Variants in MSR1 observed in about 807,000 individuals in gnomAD.
MSR1 encodes the protein macrophage scavenger receptor 1.
Under a neutral mutation model 47.2 loss-of-function variants are expected in MSR1, and 53 were observed. That is an observed-to-expected ratio of 1.12 (90% CI 0.90 to 1.41). The LOEUF (loss-of-function observed/expected upper bound fraction) is 1.41. Among genes scored for constraint, MSR1 ranks in the 40% most tolerant of loss-of-function variants. The probability of loss-of-function intolerance (pLI) is 0.00; values close to 1 mark genes in which losing one functional copy is unlikely to be tolerated. For synonymous variants in MSR1, 239 were observed against 185.6 expected (o/e 1.29, Z -2.34); for missense variants, 786 against 546.9 (o/e 1.44, Z -4.36).
chr8:16,144,441 C>T (rs543603517), intron 7 of MSR1, among the ~76,000 whole-genome samples: 1 of 152,208 alleles, frequency 6.6e-6, no homozygotes, highest in African/African-American at 2.4e-5. Context: ...TGCTCTCTGT[C>T]TCAAAGTCAA....
At chr8:16,123,804 A>G (rs1008478399) in intron 8 of MSR1, among the ~76,000 whole-genome samples, 1 of 152,200 alleles carries the variant, frequency 6.6e-6, no homozygotes, top group African/African-American at 2.4e-5. Flanking sequence ...GATGTTTCAT[A>G]GAACCCAAGG....
intron 8 of MSR1, among the ~76,000 whole-genome samples, chr8:16,143,193 A>C (rs534039531): frequency 6.6e-6 from 1 of 152,204 alleles, no homozygotes; most frequent in South Asian, 2.1e-4. Context: ...CCAAATTCTT[A>C]TATTTAAGGT....
intron 5 of MSR1, among the ~76,000 whole-genome samples, chr8:16,159,544 C>A (rs1801104731): frequency 1.3e-5 from 2 of 151,850 alleles, no homozygotes; most frequent in South Asian, 4.1e-4. Context: ...TACACTAACT[C>A]TGCAATCAAC....
At chr8:16,172,946 G>A (rs1801529994) in intron 3 of MSR1, among the ~76,000 whole-genome samples, 1 of 152,172 alleles carries the variant, frequency 6.6e-6, no homozygotes, top group Admixed American at 6.5e-5. Flanking sequence ...GCCAAGTAGA[G>A]ATATATATTG....
chr8:16,146,039 A>G (rs192036675), intron 7 of MSR1, among the ~76,000 whole-genome samples: 14 of 152,252 alleles, frequency 9.2e-5, no homozygotes, highest in Admixed American at 8.5e-4. Flanking sequence ...TGTCTTCAAT[A>G]ACATCATCAT....
chr8:16,126,343 T>C (rs1800127899), intron 8 of MSR1, among the ~76,000 whole-genome samples: 2 of 152,176 alleles, frequency 1.3e-5, no homozygotes, highest in Admixed American at 1.3e-4. Context: ...ATAACAGTTA[T>C]TATCCTATTG....
At chr8:16,122,324 C>T (rs529999359) in intron 8 of MSR1, among the ~76,000 whole-genome samples, 4 of 152,136 alleles carry the variant, frequency 2.6e-5, no homozygotes, top group African/African-American at 9.6e-5. Context: ...TTGTGAGAAG[C>T]CTTTACATAT....
At chr8:16,167,270 G>A (rs967325411) in intron 4 of MSR1, among the ~76,000 whole-genome samples, 4 of 152,068 alleles carry the variant, frequency 2.6e-5, no homozygotes, top group Non-Finnish European at 5.9e-5. Flanking sequence ...TCAGCCAGGC[G>A]CAGTGGTTCA....
intron 9 of MSR1, among the ~76,000 whole-genome samples, chr8:16,117,323 G>A (rs1799899492): frequency 6.6e-6 from 1 of 152,150 alleles, no homozygotes. Context: ...ATGATCTGAG[G>A]TGGGGCTGCA....
chr8:16,119,645 T>G (rs1174411895), intron 9 of MSR1, among the ~76,000 whole-genome samples: 1 of 152,150 alleles, frequency 6.6e-6, no homozygotes, highest in Non-Finnish European at 1.5e-5. Flanking sequence ...AATCATAGCA[T>G]ATTAGCACTT....
intron 5 of MSR1, 44 bp downstream of exon 5, chr8:16,164,021 T>C: frequency 6.9e-7 from 1 of 1,447,266 alleles, no homozygotes; most frequent in South Asian, 1.2e-5. Flanking sequence ...TCAGTATATT[T>C]TAATATATAT....
At chr8:16,173,857 G>A (rs978438893) in intron 3 of MSR1, among the ~76,000 whole-genome samples, 1 of 152,112 alleles carries the variant, frequency 6.6e-6, no homozygotes, top group African/African-American at 2.4e-5. Context: ...CACCATGTTA[G>A]CCAGGATGGT....
At position 16,108,175 on chromosome 8, in the gene MSR1, T is replaced by C. The variant is rs1056620612; in HGVS notation, c.*1910A>G. 2.0e-5 allele frequency: 3 copies of C among 148,922 alleles called. No individual in the cohort carries two copies. Among genetic ancestry groups the C allele is most frequent in the African/African-American group, 4.9e-5 (2 of 40,404 alleles). 9.2% of individuals were successfully genotyped at this position (148,922 alleles called of 1,614,324 possible). A position where few individuals can be genotyped will look rare whatever the true frequency, so the allele number is the denominator to read the frequency against. On this transcript the variant is annotated 3_prime_UTR_variant, in exon 10 of 10. Coordinates refer to ENST00000262101, the MANE Select transcript of MSR1 (RefSeq NM_138715.3). ...AGTACTATTAACAGTGTCATAGTAC[T>C]AGTACTAGTAATAGTACTAGTAATA...
intron 1 of MSR1, among the ~76,000 whole-genome samples, chr8:16,189,186 A>G (rs1050717606): frequency 7.0e-6 from 1 of 143,594 alleles, no homozygotes; most frequent in Admixed American, 7.2e-5. Flanking sequence ...TATTTCATAT[A>G]TACGTAAAAC....
At chr8:16,182,156 A>T (rs116456924) in intron 1 of MSR1, among the ~76,000 whole-genome samples, 2,040 of 152,310 alleles carry the variant, frequency 0.013, 46 homozygotes, top group African/African-American at 0.046. Flanking sequence ...AGGCAGTTGG[A>T]ACACAATGGC....
chr8:16,140,873 C>G, intron 8 of MSR1: 1 of 1,598,976 alleles, frequency 6.3e-7, no homozygotes, highest in Non-Finnish European at 8.5e-7. Flanking sequence ...AGGTACAACA[C>G]GGGAACCAAA....
Position 16,168,883 on chromosome 8 carries a change from GT to G in MSR1, c.218-14del. The stretch of plus-strand genomic sequence containing the variant: ...TTCAGGAGTTGAGCTGTATATTTAA[GT>G]AAAAATAAACCAGTCATGGCCTGAT... On this transcript the variant is annotated splice_polypyrimidine_tract_variant and intron_variant, in intron 3 of 9. Transcript: ENST00000262101. 1 of 1,609,928 alleles carries G rather than the reference GT, an allele frequency of 6.2e-7. No homozygotes were observed. The highest frequency in any genetic ancestry group is 8.5e-7 in the Non-Finnish European group (1 of 1,179,720).
At chr8:16,167,658 T>A (rs1468621923) in intron 4 of MSR1, among the ~76,000 whole-genome samples, 1 of 152,232 alleles carries the variant, frequency 6.6e-6, no homozygotes, top group Non-Finnish European at 1.5e-5. Context: ...CTTCCCTCTG[T>A]CCTTACCTCA....
chr8:16,139,703 A>G (rs1476383421), intron 8 of MSR1: 1 of 960,736 alleles, frequency 1.0e-6, no homozygotes, highest in Non-Finnish European at 1.2e-6. Context: ...TTTTGGTTTA[A>G]ATGGGTTGGA....
Sources: allele counts gnomAD v4.1 joint callset (sites outside exome capture counted in the v4.1 genomes callset), GRCh38; gene constraint gnomAD v4.1.1; transcripts MANE v1.5; gene names NCBI Gene and HGNC (gene_info 2026-07-23, HGNC 2026-07-21).